The following C2CD5 variants were observed in gnomAD, a reference collection of about 807,000 sequenced individuals.
C2CD5 encodes the protein C2 calcium dependent domain containing 5.
A neutral mutation model predicts 130.3 loss-of-function variants in C2CD5; 109 were observed. The ratio of observed to expected loss-of-function variants is 0.84; its 90% CI spans 0.72 to 0.98. The LOEUF (loss-of-function observed/expected upper bound fraction) is 0.98. Among genes scored for constraint, C2CD5 ranks in the 50% least tolerant of loss-of-function variants. C2CD5 has a pLI of 0.00. For synonymous variants in C2CD5, 454 were observed against 429.2 expected (o/e 1.06, Z -0.71); for missense variants, 996 against 1,261.8 (o/e 0.79, Z 3.19).
At chr12:22,484,534 G>GTTT in intron 13 of C2CD5, 163 bp downstream of exon 13, 2 of 361,924 alleles carry the variant, frequency 5.5e-6, no homozygotes, top group African/African-American at 2.1e-5. Context: ...TACACAGAGG[G>GTTT]TTTTTTTTTT....
Position 22,523,464 on chromosome 12 carries a change from G to C in C2CD5, c.762C>G (p.Phe254Leu). 2 of 1,613,858 alleles carry C rather than the reference G, an allele frequency of 1.2e-6. No individual in the cohort carries two copies. Among genetic ancestry groups the C allele is most frequent in the Admixed American group, 1.7e-5 (1 of 59,974 alleles). Residue 254 changes from phenylalanine to leucine, a missense_variant, in exon 7 of 27, where the codon TTC (phenylalanine) becomes TTG (leucine). Coordinates refer to ENST00000446597, the MANE Select transcript of C2CD5 (RefSeq NM_001286176.2). Reference protein sequence around the residue: ...TLDKLSSPAAFLPACNSPSKE... With the variant: ...TLDKLSSPAALLPACNSPSKE... Reference sequence around the variant, plus strand: ...TGGATGGGGAATTACATGCAGGAAGGAATGCTGCTGGGCTACTTAATTTAT... The same window carrying C: ...TGGATGGGGAATTACATGCAGGAAGCAATGCTGCTGGGCTACTTAATTTAT...
intron 26 of C2CD5, among the ~76,000 whole-genome samples, chr12:22,451,293 A>G (rs1332813693): frequency 6.6e-6 from 1 of 152,180 alleles, no homozygotes; most frequent in African/African-American, 2.4e-5. Context: ...TAGGAATGAC[A>G]ACAAAATTAA....
chr12:22,478,524 T>A (rs781396783), intron 14 of C2CD5, 47 bp from the exon 15 acceptor site: 2 of 1,496,806 alleles, frequency 1.3e-6, no homozygotes, highest in Non-Finnish European at 1.8e-6. Flanking sequence ...ATCTACAGAA[T>A]AACAGTCCTT....
chr12:22,469,703 A>C lies in C2CD5; in HGVS notation c.2533+6T>G. On this transcript the variant is annotated splice_donor_region_variant and intron_variant, in intron 22 of 26. Coordinates refer to ENST00000446597, the MANE Select transcript of C2CD5 (RefSeq NM_001286176.2). Reference sequence around the variant, plus strand: ...TTGTGTTTGCTTTTTCCCTCACTTAACCAACCTTTAGCTGGTGGAAAAGGA... The same window carrying C: ...TTGTGTTTGCTTTTTCCCTCACTTACCCAACCTTTAGCTGGTGGAAAAGGA... 6.3e-7 allele frequency: 1 copy of C among 1,580,516 alleles called. No individual in the cohort carries two copies. Among genetic ancestry groups the C allele is most frequent in the South Asian group, 1.2e-5 (1 of 86,638 alleles).
intron 10 of C2CD5, among the ~76,000 whole-genome samples, chr12:22,498,939 T>C (rs1021924526): frequency 6.6e-6 from 1 of 152,102 alleles, no homozygotes. Context: ...TAAGCTGACA[T>C]GCAATCTCTA....
rs535993349 is a variant in C2CD5 at position 22,544,219 on chromosome 12, C to T, written c.-29-40G>A. 51 of 1,527,062 alleles carry T rather than the reference C, an allele frequency of 3.3e-5. No individual in the cohort carries two copies. The East Asian group carries it at 8.2e-4, about 24-fold the overall frequency. 94.6% of individuals were successfully genotyped at this position (1,527,062 alleles called of 1,614,324 possible). A position where few individuals can be genotyped will look rare whatever the true frequency, so the allele number is the denominator to read the frequency against. On this transcript the variant is annotated intron_variant, in intron 1 of 26. Transcript: ENST00000446597. ...AAACGAGTCTGCGCCGAGCGCGGGG[C>T]CGGCGGGAGAGGGGCGGAGGCGCGC...
intron 10 of C2CD5, chr12:22,502,599 T>C: frequency 2.2e-6 from 1 of 449,824 alleles, no homozygotes; most frequent in Non-Finnish European, 3.9e-6. Context: ...ATTACAAGAG[T>C]TATTACATAC....
intron 9 of C2CD5, among the ~76,000 whole-genome samples, chr12:22,511,756 C>A (rs567298089): frequency 1.2e-4 from 18 of 152,186 alleles, no homozygotes; most frequent in African/African-American, 4.1e-4. Context: ...TTGGTACAGA[C>A]AATAAAGTCA....
At chr12:22,452,549 T>C (rs537929215) in intron 26 of C2CD5, among the ~76,000 whole-genome samples, 1 of 152,276 alleles carries the variant, frequency 6.6e-6, no homozygotes, top group African/African-American at 2.4e-5. Flanking sequence ...CCTCCTAGGA[T>C]GTTTCATAGC....
intron 1 of C2CD5, 28 bp downstream of exon 1, chr12:22,544,292 G>C (rs1040590272): frequency 3.0e-4 from 189 of 620,022 alleles, no homozygotes; most frequent in Middle Eastern, 9.1e-4. Flanking sequence ...GCGGGCGCCC[G>C]GCAGTCGCGC....
intron 12 of C2CD5, among the ~76,000 whole-genome samples, chr12:22,488,022 C>T (rs1945783873): frequency 7.6e-6 from 1 of 132,240 alleles, no homozygotes; most frequent in Non-Finnish European, 1.5e-5. Context: ...GGAAGGGGAA[C>T]ATCACACATC....
intron 3 of C2CD5, among the ~76,000 whole-genome samples, chr12:22,529,391 TA>T (rs1272361076): frequency 6.6e-6 from 1 of 152,216 alleles, no homozygotes; most frequent in Non-Finnish European, 1.5e-5. Context: ...TCTCTGTATA[TA>T]CTTATTTAAC....
In C2CD5 at chr12:22,490,116, T is replaced by C. The variant is rs1270873771; in HGVS notation, c.1358+7A>G. The stretch of plus-strand genomic sequence containing the variant: ...TTATAGAAAATAAGCCAGGCTGCCA[T>C]GACAACCTCTGTTCCAAACAGCCTT... On this transcript the variant is annotated splice_region_variant and intron_variant, in intron 12 of 26. Coordinates refer to ENST00000446597, the MANE Select transcript of C2CD5 (RefSeq NM_001286176.2). The C allele has an allele frequency of 1.2e-6, 2 of 1,607,764 alleles. No homozygotes were observed. Among genetic ancestry groups the C allele is most frequent in the South Asian group, 2.2e-5 (2 of 90,896 alleles).
chr12:22,533,896 G>A (rs989884887), intron 3 of C2CD5, among the ~76,000 whole-genome samples: 9 of 152,200 alleles, frequency 5.9e-5, no homozygotes, highest in Non-Finnish European at 1.0e-4. Flanking sequence ...ATACATGAAT[G>A]AAGTTGGGGC....
intron 26 of C2CD5, among the ~76,000 whole-genome samples, chr12:22,451,406 G>A: frequency 6.6e-6 from 1 of 152,054 alleles, no homozygotes; most frequent in Non-Finnish European, 1.5e-5. Context: ...GAATGTCTGT[G>A]TGCAATTCTC....
chr12:22,463,846 T>C (rs1284401702), intron 22 of C2CD5: 4 of 152,214 alleles, frequency 2.6e-5, no homozygotes, highest in Non-Finnish European at 4.4e-5. Context: ...TTGGAAATGA[T>C]TCTCTGGCAG....
intron 7 of C2CD5, chr12:22,519,021 T>C: frequency 1.9e-6 from 2 of 1,074,560 alleles, no homozygotes; most frequent in East Asian, 2.8e-5. Context: ...CAAAGATTTA[T>C]GGTACCTGCC....
At chr12:22,497,137 G>C (rs1466463554) in intron 10 of C2CD5, among the ~76,000 whole-genome samples, 2 of 152,094 alleles carry the variant, frequency 1.3e-5, no homozygotes, top group Non-Finnish European at 2.9e-5. Context: ...GTTAAGTTCA[G>C]TTCATTTTTA....
rs1297610665 is a variant in C2CD5, at chr12:22,486,537, T to C, written c.1359-1649A>G. On this transcript the variant is annotated intron_variant, in intron 12 of 26. Coordinates refer to ENST00000446597, the MANE Select transcript of C2CD5 (RefSeq NM_001286176.2). ...AATACAACTGCTGAGGACTAGCACA[T>C]TGCATTTTTTCAACCACAGGTATAA... Among the ~76,000 whole-genome samples, 5 of 152,278 alleles carry C rather than the reference T, an allele frequency of 3.3e-5. No individual in the cohort carries two copies. In the East Asian group the frequency reaches 7.7e-4, roughly 24 times the overall value.
Sources: allele counts gnomAD v4.1 joint callset (sites outside exome capture counted in the v4.1 genomes callset), GRCh38; gene constraint gnomAD v4.1.1; transcripts MANE v1.5; gene names NCBI Gene and HGNC (gene_info 2026-07-23, HGNC 2026-07-21).